The following PRKCE variants were observed in gnomAD, a reference collection of about 807,000 sequenced individuals.
PRKCE encodes the protein protein kinase C epsilon.
A neutral mutation model predicts 85.4 loss-of-function variants in PRKCE; 16 were observed. The observed-to-expected ratio is 0.19, with a 90% CI of 0.13 to 0.28. PRKCE has a LOEUF of 0.28. PRKCE is among the 10% of genes least tolerant of loss of function. PRKCE has a pLI of 1.00. For missense variants in PRKCE, 573 were observed against 975.2 expected (o/e 0.59, Z 5.49); for synonymous variants, 388 against 371.5 (o/e 1.04, Z -0.51).
intron 11 of PRKCE, among the ~76,000 whole-genome samples, chr2:46,128,526 A>G (rs1166432200): frequency 6.6e-6 from 1 of 152,228 alleles, no homozygotes; most frequent in African/African-American, 2.4e-5. Context: ...TAGTGTTAAT[A>G]CTAAATCAGA....
In PRKCE at chr2:46,043,100, AAC is replaced by A. The variant is rs1301083952; in HGVS notation, c.1437+32585_1437+32586del. On this transcript the variant is annotated intron_variant, in intron 10 of 14. Coordinates refer to ENST00000306156, the MANE Select transcript of PRKCE (RefSeq NM_005400.3). ...GAAAACTTTGTAGGGCCTTCAGAAA[AAC>A]AGTTTTTTTTTTTCAAGGTGTTCTG... Among the ~76,000 whole-genome samples the A allele has an allele frequency of 6.6e-5, 6 of 90,448 alleles. No individual in the cohort carries two copies. The South Asian group carries it at 1.7e-3, about 25-fold the overall frequency. 59.3% of individuals were successfully genotyped at this position (90,448 alleles called of 152,430 possible). A position where few individuals can be genotyped will look rare whatever the true frequency, so the allele number is the denominator to read the frequency against.
chr2:45,803,766 A>G (rs1275186403), intron 1 of PRKCE, among the ~76,000 whole-genome samples: 1 of 152,248 alleles, frequency 6.6e-6, no homozygotes, highest in African/African-American at 2.4e-5. Context: ...TGTTTCTGAA[A>G]TGTTTTAATA....
intron 10 of PRKCE, among the ~76,000 whole-genome samples, chr2:46,084,786 C>T (rs1048885091): frequency 3.3e-5 from 5 of 151,364 alleles, no homozygotes; most frequent in Non-Finnish European, 7.4e-5. Flanking sequence ...CCATTTACTT[C>T]GCTAACCTTC....
chr2:45,706,440 C>T (rs1170952077), intron 1 of PRKCE, among the ~76,000 whole-genome samples: 1 of 152,194 alleles, frequency 6.6e-6, no homozygotes, highest in African/African-American at 2.4e-5. Context: ...TTGTGTCAAG[C>T]TTCATTCCTG....
intron 2 of PRKCE, among the ~76,000 whole-genome samples, chr2:45,961,789 G>A (rs945178574): frequency 3.3e-5 from 5 of 152,056 alleles, no homozygotes; most frequent in African/African-American, 4.8e-5. Context: ...TCTGCCTCCC[G>A]GGTTCAAGCG....
At chr2:45,932,637 A>G (rs1050690694) in intron 2 of PRKCE, among the ~76,000 whole-genome samples, 1 of 152,106 alleles carries the variant, frequency 6.6e-6, no homozygotes, top group Non-Finnish European at 1.5e-5. Context: ...TTTGTGGTAA[A>G]ATATACAAAA....
At chr2:45,812,516 T>A (rs1484607984) in intron 1 of PRKCE, among the ~76,000 whole-genome samples, 2 of 152,252 alleles carry the variant, frequency 1.3e-5, no homozygotes, top group African/African-American at 4.8e-5. Context: ...TCTTACATTC[T>A]GTGTGCCCTT....
chr2:45,672,389 T>C (rs1393426112), intron 1 of PRKCE, among the ~76,000 whole-genome samples: 2 of 152,058 alleles, frequency 1.3e-5, no homozygotes, highest in African/African-American at 2.4e-5. Context: ...CATCCATCCA[T>C]CCATCCATCT....
At chr2:46,143,248 C>T (rs1463771787) in intron 11 of PRKCE, among the ~76,000 whole-genome samples, 1 of 152,118 alleles carries the variant, frequency 6.6e-6, no homozygotes, top group Non-Finnish European at 1.5e-5. Context: ...CATAAAGAAG[C>T]ATCATTGTTG....
At chr2:45,820,936 C>G (rs1406347493) in intron 1 of PRKCE, among the ~76,000 whole-genome samples, 1 of 150,556 alleles carries the variant, frequency 6.6e-6, no homozygotes, top group Non-Finnish European at 1.5e-5. Flanking sequence ...TTATGAGGTT[C>G]TAGCTCTAGC....
intron 10 of PRKCE, among the ~76,000 whole-genome samples, chr2:46,048,474 C>A (rs1488524617): frequency 6.6e-6 from 1 of 152,208 alleles, no homozygotes; most frequent in Non-Finnish European, 1.5e-5. Flanking sequence ...GGCTCAATGT[C>A]CCACCAGAGC....
In PRKCE at chr2:46,010,410, A is replaced by G; in HGVS notation, c.1330A>G (p.Ile444Val). Residue 444 changes from isoleucine (I) to valine (V), a missense_variant, in exon 10 of 15, where the codon ATC becomes GTC. Coordinates refer to ENST00000306156, the MANE Select transcript of PRKCE (RefSeq NM_005400.3). ...TGTGAAGGTCTTAAAGAAGGACGTCATCCTTCAGGATGATGACGTGGACTG... is the reference window on the plus strand; with the variant it reads ...TGTGAAGGTCTTAAAGAAGGACGTCGTCCTTCAGGATGATGACGTGGACTG... ...YAVKVLKKDVILQDDDVDCTM... is the reference protein window; with the variant it reads ...YAVKVLKKDVVLQDDDVDCTM... 1 of 1,599,726 alleles carries G rather than the reference A, an allele frequency of 6.3e-7. No individual in the cohort carries two copies. The highest frequency in any genetic ancestry group is 8.5e-7 in the Non-Finnish European group (1 of 1,179,918).
intron 1 of PRKCE, among the ~76,000 whole-genome samples, chr2:45,782,533 T>A (rs1472576177): frequency 2.0e-5 from 3 of 152,072 alleles, no homozygotes; most frequent in Non-Finnish European, 4.4e-5. Flanking sequence ...ATTGTTCCTG[T>A]GGGAAGGCAG....
At chr2:46,000,490 AAT>A (rs1242242934) in intron 6 of PRKCE, among the ~76,000 whole-genome samples, 1 of 151,686 alleles carries the variant, frequency 6.6e-6, no homozygotes, top group Middle Eastern at 3.2e-3. Context: ...CCTCTGATAA[AAT>A]AGTTTCTCCT....
At chr2:45,727,145 C>T (rs961667342) in intron 1 of PRKCE, among the ~76,000 whole-genome samples, 15 of 152,076 alleles carry the variant, frequency 9.9e-5, no homozygotes, top group East Asian at 1.9e-4. Flanking sequence ...TGTGATGGGG[C>T]AGAGTTAATC....
intron 2 of PRKCE, among the ~76,000 whole-genome samples, chr2:45,954,472 A>C (rs1443981408): frequency 6.6e-6 from 1 of 152,242 alleles, no homozygotes; most frequent in African/African-American, 2.4e-5. Context: ...TCAGCCCAGC[A>C]TGAGGGTCTT....
Position 45,867,776 on chromosome 2 carries a change from T to G in PRKCE, c.412+24713T>G, listed in dbSNP as rs375854736. 1.2e-3 allele frequency among the ~76,000 whole-genome samples: 184 copies of G among 152,316 alleles called. 2 individuals carry two copies. The highest frequency in any genetic ancestry group is 4.0e-3 in the African/African-American group (165 of 41,566). On this transcript the variant is annotated intron_variant, in intron 2 of 14. Transcript: ENST00000306156. ...GTGCTAATGTGTTTTTAAGTTCAAA[T>G]TTATTGCTGGCATATAGCAGTTGAT... is the stretch of plus-strand genomic sequence containing the variant.
intron 1 of PRKCE, among the ~76,000 whole-genome samples, chr2:45,826,518 C>T (rs1195542542): frequency 6.6e-6 from 1 of 152,166 alleles, no homozygotes; most frequent in Non-Finnish European, 1.5e-5. Context: ...AGAGCTGTGG[C>T]TGTCAGGATT....
At chr2:46,094,648 G>A (rs1346995005) in intron 11 of PRKCE, among the ~76,000 whole-genome samples, 2 of 151,446 alleles carry the variant, frequency 1.3e-5, no homozygotes, top group Non-Finnish European at 2.9e-5. Flanking sequence ...GGGAGGGTGG[G>A]GAGAGGGAGA....
Sources: gnomAD v4.1 joint callset for allele counts (sites outside exome capture counted in the v4.1 genomes callset) on GRCh38, gnomAD v4.1.1 for gene constraint, MANE v1.5 for transcripts, NCBI Gene and HGNC (gene_info 2026-07-23, HGNC 2026-07-21) for gene names.